Variants in GPR137C observed in about 807,000 individuals in gnomAD.
GPR137C encodes the protein integral membrane protein GPR137C.
GPR137C carries 27 observed loss-of-function variants against 43.4 expected under a neutral mutation model. That is an observed-to-expected ratio of 0.62 (90% confidence interval 0.46 to 0.86). GPR137C has a LOEUF of 0.86. Among genes scored for constraint, GPR137C ranks in the 40% least tolerant of loss-of-function variants. The pLI is 0.00. For synonymous variants in GPR137C, 285 were observed against 226.9 expected (o/e 1.26, Z -2.30); for missense variants, 522 against 534.6 (o/e 0.98, Z 0.23).
rs570764099 is a variant in GPR137C at position 52,553,266 on chromosome 14, C to G, written c.119C>G (p.Ala40Gly). 1.4e-6 allele frequency: 2 copies of G among 1,404,264 alleles called. No homozygotes were observed. Among genetic ancestry groups the G allele is most frequent in the African/African-American group, 1.6e-5 (1 of 64,182 alleles). The allele number at this position is 1,404,264 out of a possible 1,614,324, so 87.0% of individuals were successfully genotyped here. Residue 40 changes from alanine to glycine, a missense_variant, in exon 1 of 7, where the codon GCG becomes GGG. Coordinates refer to ENST00000321662, the MANE Select transcript of GPR137C (RefSeq NM_001099652.2). ...GCCGTCGCTGCAGCCTCAGGCGCCG[C>G]GGTGCCGGGCTCCGTGCAGTTGGCG... ...GGAVAAASGA[A>G]VPGSVQLALS...
At chr14:52,586,332 C>G (rs1485051262) in intron 1 of GPR137C, among the ~76,000 whole-genome samples, 1 of 152,228 alleles carries the variant, frequency 6.6e-6, no homozygotes, top group African/African-American at 2.4e-5. Flanking sequence ...CTTCAGATAT[C>G]TCTCAGTCTG....
At chr14:52,595,422 T>G (rs2038841220) in intron 1 of GPR137C, among the ~76,000 whole-genome samples, 1 of 151,984 alleles carries the variant, frequency 6.6e-6, no homozygotes, top group Admixed American at 6.5e-5. Flanking sequence ...TTTTCTAACT[T>G]GGTTCCATTC....
intron 1 of GPR137C, among the ~76,000 whole-genome samples, chr14:52,591,102 A>C (rs2038777635): frequency 6.6e-6 from 1 of 150,584 alleles, no homozygotes; most frequent in Non-Finnish European, 1.5e-5. Flanking sequence ...GGTCCTTGTG[A>C]TAGTCTGCTG....
At chr14:52,626,044 T>G (rs2039223423) in intron 3 of GPR137C, among the ~76,000 whole-genome samples, 1 of 152,074 alleles carries the variant, frequency 6.6e-6, no homozygotes, top group Admixed American at 6.5e-5. Flanking sequence ...TAAAAAACAA[T>G]ACAGAATAAC....
intron 1 of GPR137C, among the ~76,000 whole-genome samples, chr14:52,578,126 T>A (rs570910116): frequency 6.6e-6 from 1 of 152,338 alleles, no homozygotes; most frequent in East Asian, 1.9e-4. Flanking sequence ...ATTCCAGTGT[T>A]CTGAAATTTC....
At chr14:52,621,897 CCA>C (rs1403894834) in intron 3 of GPR137C, among the ~76,000 whole-genome samples, 1 of 151,346 alleles carries the variant, frequency 6.6e-6, no homozygotes, top group Non-Finnish European at 1.5e-5. Context: ...ATAAAAATAT[CCA>C]TTTATTAATT....
rs375972132 is a variant in GPR137C, at chr14:52,564,933, C to CA, written c.444+11352dup. On this transcript the variant is annotated intron_variant, in intron 1 of 6. Transcript: ENST00000321662. ...TTCCCACTTATCTACCTCCTCCCTTCAAAAAAAAAATGCTTGCTTTAAAAC... is the reference window on the plus strand; with the variant it reads ...TTCCCACTTATCTACCTCCTCCCTTCAAAAAAAAAAATGCTTGCTTTAAAAC... Among the ~76,000 whole-genome samples, 970 of 148,414 alleles carry CA rather than the reference C, an allele frequency of 6.5e-3. 29 individuals are homozygous for CA. The East Asian group carries it at 0.082, about 13-fold the overall frequency.
chr14:52,598,144 G>C (rs1397014436), intron 1 of GPR137C, 128 bp from the exon 2 acceptor site: 3 of 440,052 alleles, frequency 6.8e-6, no homozygotes, highest in Non-Finnish European at 1.2e-5. Context: ...TAGCTCAACT[G>C]TTAACATTTC....
chr14:52,609,660 T>C (rs1305215714), intron 3 of GPR137C, among the ~76,000 whole-genome samples: 1 of 152,210 alleles, frequency 6.6e-6, no homozygotes, highest in African/African-American at 2.4e-5. Flanking sequence ...TTGCTCCATG[T>C]CTTGTGAGGG....
intron 3 of GPR137C, among the ~76,000 whole-genome samples, chr14:52,626,037 A>T (rs2039223299): frequency 6.6e-6 from 1 of 152,118 alleles, no homozygotes; most frequent in African/African-American, 2.4e-5. Flanking sequence ...TACAACTTAA[A>T]AAACAATACA....
chr14:52,634,888 T>C (rs1344317844), intron 6 of GPR137C, 50 bp from the exon 7 acceptor site: 1 of 1,535,820 alleles, frequency 6.5e-7, no homozygotes, highest in Admixed American at 1.9e-5. Flanking sequence ...ATGTGACTTC[T>C]TATATCCTGA....
intron 1 of GPR137C, among the ~76,000 whole-genome samples, chr14:52,555,890 T>G (rs967409471): frequency 1.3e-5 from 2 of 152,190 alleles, no homozygotes; most frequent in Non-Finnish European, 2.9e-5. Context: ...CAGAAATCAT[T>G]TCTCTTTTCA....
Position 52,612,330 on chromosome 14 carries a change from G to A in GPR137C, c.717+11989G>A, listed in dbSNP as rs760363124. ...CATGCTATTAAAAATTATTTTTAAG[G>A]CTGCATAACATTTCATCATATACCA... On this transcript the variant is annotated intron_variant, in intron 3 of 6. Transcript: ENST00000321662. 138 of 894,414 alleles carry A rather than the reference G, an allele frequency of 1.5e-4. 1 individual carries two copies. Among genetic ancestry groups the A allele is most frequent in the Non-Finnish European group, 1.8e-4 (134 of 747,256 alleles). The allele number at this position is 894,414 out of a possible 1,614,324, so 55.4% of individuals were successfully genotyped here. A position where few individuals can be genotyped will look rare whatever the true frequency, so the allele number is the denominator to read the frequency against.
At chr14:52,592,688 T>C (rs1400613948) in intron 1 of GPR137C, among the ~76,000 whole-genome samples, 4 of 152,238 alleles carry the variant, frequency 2.6e-5, no homozygotes, top group Non-Finnish European at 2.9e-5. Context: ...TTTTGTATCC[T>C]GAGACTTTGC....
rs570902953 is a variant in GPR137C, at chr14:52,602,139, A to T, written c.717+1798A>T. ...AGTTCCCAGTCTTCCTAACTAGATTATAAACTTCTGTATTCAAAGAGCATG... is the reference window on the plus strand; with the variant it reads ...AGTTCCCAGTCTTCCTAACTAGATTTTAAACTTCTGTATTCAAAGAGCATG... On this transcript the variant is annotated intron_variant, in intron 3 of 6. Transcript: ENST00000321662. 3.3e-5 allele frequency among the ~76,000 whole-genome samples: 5 copies of T among 151,354 alleles called. No homozygotes were observed. In the Admixed American group the frequency reaches 3.3e-4, roughly 10 times the overall value.
intron 1 of GPR137C, among the ~76,000 whole-genome samples, chr14:52,594,818 A>G (rs1331237266): frequency 2.6e-5 from 4 of 152,088 alleles, no homozygotes; most frequent in Admixed American, 6.5e-5. Context: ...GCCCATTTAC[A>G]TTTAAGGTTA....
At chr14:52,592,738 C>G (rs188994276) in intron 1 of GPR137C, among the ~76,000 whole-genome samples, 1 of 151,982 alleles carries the variant, frequency 6.6e-6, no homozygotes, top group African/African-American at 2.4e-5. Context: ...TGGGCTGAGA[C>G]GATGGGGTTT....
At chr14:52,609,024 T>C (rs2039011123) in intron 3 of GPR137C, among the ~76,000 whole-genome samples, 2 of 152,200 alleles carry the variant, frequency 1.3e-5, no homozygotes, top group Non-Finnish European at 2.9e-5. Context: ...TTTCTACCCC[T>C]GTCTTTCTCA....
intron 3 of GPR137C, among the ~76,000 whole-genome samples, chr14:52,620,394 A>G (rs1439730723): frequency 6.6e-6 from 1 of 152,106 alleles, no homozygotes; most frequent in Non-Finnish European, 1.5e-5. Flanking sequence ...CAGCTGACCA[A>G]CGTATGGGGG....
Sources: gnomAD v4.1 joint callset for allele counts (sites outside exome capture counted in the v4.1 genomes callset) on GRCh38, gnomAD v4.1.1 for gene constraint, MANE v1.5 for transcripts, NCBI Gene and HGNC (gene_info 2026-07-23, HGNC 2026-07-21) for gene names.